Variants in SEC24A observed in about 807,000 individuals in gnomAD.
SEC24A encodes SEC24 homolog A, COPII component.
A neutral mutation model predicts 129.4 loss-of-function variants in SEC24A; 93 were observed. That is an observed-to-expected ratio of 0.72 (90% CI 0.61 to 0.85). The LOEUF is 0.85. Ranked by LOEUF, SEC24A falls within the 40% of genes least tolerant of loss-of-function variation. The pLI is 0.00. For missense variants in SEC24A, 1,264 were observed against 1,307.4 expected (o/e 0.97, Z 0.51); for synonymous variants, 460 against 467.3 (o/e 0.98, Z 0.20).
chr5:134,677,090 T>C (rs1181377212), intron 7 of SEC24A, among the ~76,000 whole-genome samples: 1 of 152,154 alleles, frequency 6.6e-6, no homozygotes, highest in Non-Finnish European at 1.5e-5. Context: ...TTTAAAAAGT[T>C]GTTTTAAGCC....
intron 8 of SEC24A, among the ~76,000 whole-genome samples, chr5:134,681,431 A>G: frequency 7.2e-6 from 1 of 139,350 alleles, no homozygotes; most frequent in African/African-American, 2.9e-5. Flanking sequence ...ACAAAAAAAC[A>G]GTTTTATTGT....
chr5:134,679,120 T>C (rs1221297087), intron 7 of SEC24A, among the ~76,000 whole-genome samples: 1 of 152,296 alleles, frequency 6.6e-6, no homozygotes, highest in East Asian at 1.9e-4. Flanking sequence ...TCTTGCTCTG[T>C]TGCCCATGTT....
intron 1 of SEC24A, among the ~76,000 whole-genome samples, chr5:134,651,933 T>TC (rs1561797434): frequency 2.0e-4 from 28 of 140,676 alleles, no homozygotes. Flanking sequence ...TGTTGAAAAC[T>TC]CTTTTTTTTT....
intron 15 of SEC24A, 74 bp downstream of exon 15, chr5:134,698,131 T>C: frequency 8.1e-7 from 1 of 1,241,230 alleles, no homozygotes; most frequent in Non-Finnish European, 1.1e-6. Context: ...TTTTATCTGG[T>C]CTTATAAGAT....
intron 19 of SEC24A, among the ~76,000 whole-genome samples, chr5:134,716,226 G>A (rs1752471797): frequency 6.6e-6 from 1 of 152,080 alleles, no homozygotes; most frequent in Non-Finnish European, 1.5e-5. Flanking sequence ...ACTTTGGGAG[G>A]CTGAGGCGGG....
chr5:134,722,923 G>T (rs187881519), intron 21 of SEC24A, among the ~76,000 whole-genome samples: 8 of 152,248 alleles, frequency 5.3e-5, no homozygotes, highest in African/African-American at 1.9e-4. Flanking sequence ...GGAGGCCGAG[G>T]TGGGCAGATT....
chr5:134,701,677 A>T (rs1752012959), intron 15 of SEC24A, among the ~76,000 whole-genome samples: 1 of 151,340 alleles, frequency 6.6e-6, no homozygotes, highest in Admixed American at 6.6e-5. Context: ...TGCCCAGCTA[A>T]TTTTTGTATT....
chr5:134,675,793 C>T (rs1158908909), intron 6 of SEC24A, among the ~76,000 whole-genome samples: 2 of 152,130 alleles, frequency 1.3e-5, no homozygotes, highest in Non-Finnish European at 2.9e-5. Flanking sequence ...GACTGTTTTA[C>T]ACACAAGCCA....
At chr5:134,679,533 A>T in intron 7 of SEC24A, 69 bp from the exon 8 acceptor site, 1 of 1,119,762 alleles carries the variant, frequency 8.9e-7, no homozygotes, top group South Asian at 1.5e-5. Context: ...GACAGGATGG[A>T]TTCATGCTTA....
intron 18 of SEC24A, among the ~76,000 whole-genome samples, chr5:134,714,438 C>T (rs779610563): frequency 2.6e-5 from 4 of 152,130 alleles, no homozygotes; most frequent in Non-Finnish European, 5.9e-5. Flanking sequence ...CTCATAGGAG[C>T]GCCAACCATA....
At chr5:134,697,372 G>A in intron 14 of SEC24A, 126 bp downstream of exon 14, 1 of 747,440 alleles carries the variant, frequency 1.3e-6, no homozygotes, top group Non-Finnish European at 2.1e-6. Flanking sequence ...TAATCAGTCA[G>A]TTTAGTCTAT....
At chr5:134,686,063 A>C (rs532211114) in intron 9 of SEC24A, among the ~76,000 whole-genome samples, 2 of 152,246 alleles carry the variant, frequency 1.3e-5, no homozygotes, top group East Asian at 3.9e-4. Context: ...AACCAGCTGA[A>C]GCTAACTTGT....
intron 1 of SEC24A, among the ~76,000 whole-genome samples, chr5:134,660,753 C>T (rs1421569227): frequency 6.6e-6 from 1 of 151,922 alleles, no homozygotes; most frequent in Non-Finnish European, 1.5e-5. Context: ...CATGGGGTTT[C>T]ACCATGTTGC....
At chr5:134,665,820 C>G (rs930558518) in intron 2 of SEC24A, among the ~76,000 whole-genome samples, 1 of 152,066 alleles carries the variant, frequency 6.6e-6, no homozygotes, top group African/African-American at 2.4e-5. Context: ...GCCCAGCCCT[C>G]TATTTTCAGG....
intron 6 of SEC24A, among the ~76,000 whole-genome samples, 154 bp downstream of exon 6, chr5:134,675,371 A>G (rs1429397270): frequency 6.6e-6 from 1 of 152,184 alleles, no homozygotes; most frequent in Non-Finnish European, 1.5e-5. Context: ...TACTTAATAG[A>G]GATTTGAAAA....
Position 134,703,792 on chromosome 5 carries a change from T to C in SEC24A, c.2300T>C (p.Phe767Ser), listed in dbSNP as rs769223327. 1.9e-6 allele frequency: 3 copies of C among 1,613,312 alleles called. No individual in the cohort carries two copies. Among genetic ancestry groups the C allele is most frequent in the Non-Finnish European group, 2.5e-6 (3 of 1,179,444 alleles). Reference sequence around the variant, plus strand: ...ATTCATACTTTCCATGGAAACTTCTTTGTTAGGTCAACCGACTTACTGTCT... The same window carrying C: ...ATTCATACTTTCCATGGAAACTTCTCTGTTAGGTCAACCGACTTACTGTCT... ...LSIHTFHGNF[F>S]VRSTDLLSLP... The change falls in exon 16 of 23, where the codon TTT becomes TCT. Residue 767 changes from phenylalanine (F) to serine (S), a missense_variant. Phe to Ser is a radical substitution (Grantham distance 155, BLOSUM62 -2). Coordinates refer to ENST00000398844, the MANE Select transcript of SEC24A (RefSeq NM_021982.3).
rs760961523 is a variant in SEC24A at position 134,725,145 on chromosome 5, A to G, written c.*51A>G. 23 of 878,556 alleles carry G rather than the reference A, an allele frequency of 2.6e-5. No individual in the cohort carries two copies. Among genetic ancestry groups the G allele is most frequent in the Non-Finnish European group, 4.2e-5 (22 of 528,996 alleles). The allele number at this position is 878,556 out of a possible 1,614,324, so 54.4% of individuals were successfully genotyped here. ...TTAAGGAATGTCACGATAGTGCAGA[A>G]TACCTGGAAATGTGTAATACCTTCT... On this transcript the variant is annotated 3_prime_UTR_variant, in exon 23 of 23. Transcript: ENST00000398844.
At chr5:134,709,120 G>C (rs1752247489) in intron 18 of SEC24A, among the ~76,000 whole-genome samples, 2 of 152,098 alleles carry the variant, frequency 1.3e-5, no homozygotes, top group African/African-American at 4.8e-5. Context: ...GCTGAGGTGG[G>C]AGGATGGTTG....
At chr5:134,659,266 G>T (rs944972084) in intron 1 of SEC24A, among the ~76,000 whole-genome samples, 1 of 151,792 alleles carries the variant, frequency 6.6e-6, no homozygotes, top group Admixed American at 6.6e-5. Flanking sequence ...TAGAGATGGG[G>T]TTTCACCATG....
Sources: gnomAD v4.1 joint callset for allele counts (sites outside exome capture counted in the v4.1 genomes callset) on GRCh38, gnomAD v4.1.1 for gene constraint, MANE v1.5 for transcripts, NCBI Gene and HGNC (gene_info 2026-07-23, HGNC 2026-07-21) for gene names.